MARK1: variants seen among roughly 807,000 people sequenced by gnomAD.
The protein encoded by MARK1 is serine/threonine-protein kinase MARK1.
A neutral mutation model predicts 96.3 loss-of-function variants in MARK1; 40 were observed. The observed-to-expected ratio is 0.42, with a 90% CI of 0.32 to 0.54. The LOEUF (loss-of-function observed/expected upper bound fraction) is 0.54, where lower values mean the gene tolerates loss of function less well. Among genes scored for constraint, MARK1 ranks in the 20% least tolerant of loss-of-function variants. MARK1 has a pLI of 0.16. For missense variants in MARK1, 719 were observed against 984.6 expected (o/e 0.73, Z 3.61); for synonymous variants, 317 against 341.2 (o/e 0.93, Z 0.78).
At chr1:220,586,707 G>T (rs1664651744) in intron 3 of MARK1, among the ~76,000 whole-genome samples, 1 of 152,164 alleles carries the variant, frequency 6.6e-6, no homozygotes, top group Non-Finnish European at 1.5e-5. Flanking sequence ...CAATGTGGAA[G>T]AATTTTCTCT....
At chr1:220,589,931 T>C (rs1664873231) in intron 3 of MARK1, among the ~76,000 whole-genome samples, 1 of 152,234 alleles carries the variant, frequency 6.6e-6, no homozygotes, top group Admixed American at 6.5e-5. Flanking sequence ...AGAATAACTC[T>C]GTTTCAAAGT....
intron 13 of MARK1, 24 bp downstream of exon 13, chr1:220,636,050 G>T (rs1454382714): frequency 6.9e-7 from 1 of 1,451,620 alleles, no homozygotes; most frequent in South Asian, 1.4e-5. Context: ...CTGGTATATT[G>T]CAATTTATTG....
chr1:220,615,918 T>C, intron 6 of MARK1, 21 bp from the exon 7 acceptor site: 4 of 1,392,084 alleles, frequency 2.9e-6, no homozygotes, highest in Middle Eastern at 1.8e-4. Context: ...TTTGACTCTT[T>C]TATCCAAATG....
At chr1:220,649,790 T>C (rs2103049443) in intron 13 of MARK1, among the ~76,000 whole-genome samples, 1 of 152,324 alleles carries the variant, frequency 6.6e-6, no homozygotes, top group South Asian at 2.1e-4. Flanking sequence ...TTATATATTT[T>C]AAATGCTGGG....
At chr1:220,544,398 C>T (rs960828325) in intron 1 of MARK1, among the ~76,000 whole-genome samples, 6 of 152,240 alleles carry the variant, frequency 3.9e-5, no homozygotes, top group South Asian at 2.1e-4. Flanking sequence ...TTAGTTATCT[C>T]GATAGTGGGT....
At chr1:220,626,474 A>G (rs566269914) in intron 9 of MARK1, 2 of 537,342 alleles carry the variant, frequency 3.7e-6, no homozygotes, top group South Asian at 2.8e-5. Context: ...GTGCTCTTAC[A>G]GTGTGGCTCA....
chr1:220,554,572 G>C (rs1272745027), intron 1 of MARK1, among the ~76,000 whole-genome samples: 1 of 152,166 alleles, frequency 6.6e-6, no homozygotes, highest in African/African-American at 2.4e-5. Flanking sequence ...GTAGAGGTTT[G>C]AAATAGCCCC....
At chr1:220,657,930 A>T in intron 17 of MARK1, 96 bp downstream of exon 17, 2 of 848,902 alleles carry the variant, frequency 2.4e-6, no homozygotes, top group Non-Finnish European at 3.3e-6. Flanking sequence ...GAATAGATCT[A>T]ATAACTAGAT....
chr1:220,545,537 A>G (rs1661432321), intron 1 of MARK1, among the ~76,000 whole-genome samples: 2 of 150,156 alleles, frequency 1.3e-5, no homozygotes, highest in South Asian at 4.2e-4. Flanking sequence ...TCCGGGTTCA[A>G]TCAATCCATC....
intron 12 of MARK1, 26 bp from the exon 13 acceptor site, chr1:220,635,807 T>C (rs779531899): frequency 6.6e-7 from 1 of 1,525,692 alleles, no homozygotes; most frequent in Non-Finnish European, 8.8e-7. Flanking sequence ...TTTCAGCTCA[T>C]TATGCTATTT....
intron 3 of MARK1, among the ~76,000 whole-genome samples, chr1:220,586,011 A>ACACACACGCACGCACGCG (rs112968910): frequency 3.8e-4 from 57 of 148,636 alleles, no homozygotes; most frequent in African/African-American, 1.0e-3. Context: ...ACACACACAC[A>ACACACACGCACGCACGCG]CGCGCGCGTG....
chr1:220,583,822 T>A (rs28605339), intron 3 of MARK1, among the ~76,000 whole-genome samples: 1,671 of 142,460 alleles, frequency 0.012, 35 homozygotes, highest in African/African-American at 0.042. Context: ...TAATTTTTTT[T>A]TTTTTTTTTT....
Position 220,636,709 on chromosome 1 carries a change from C to CA in MARK1, c.1470+691dup, listed in dbSNP as rs1443478396. ...CTCTTAAAATAGAATTTATAGATAC[C>CA]AAAAAAAAGATGAAGAATATTTTAA... is the stretch of plus-strand genomic sequence containing the variant. On this transcript the variant is annotated intron_variant, in intron 13 of 17. Coordinates refer to ENST00000366917, the MANE Select transcript of MARK1 (RefSeq NM_018650.5). Among the ~76,000 whole-genome samples the CA allele has an allele frequency of 4.6e-5, 7 of 150,656 alleles. No individual in the cohort carries two copies. The South Asian group carries it at 1.5e-3, about 32-fold the overall frequency.
chr1:220,634,106 C>A (rs1572209092), intron 11 of MARK1, among the ~76,000 whole-genome samples: 2 of 152,108 alleles, frequency 1.3e-5, no homozygotes, highest in Non-Finnish European at 2.9e-5. Flanking sequence ...GATGTGGTAT[C>A]AAAGAAGCCA....
intron 1 of MARK1, among the ~76,000 whole-genome samples, chr1:220,551,728 T>C (rs2102744310): frequency 6.6e-6 from 1 of 152,296 alleles, no homozygotes; most frequent in Non-Finnish European, 1.5e-5. Flanking sequence ...TTAATATATA[T>C]GCAAGTGTAT....
At chr1:220,612,866 C>T (rs2102951968) in intron 6 of MARK1, among the ~76,000 whole-genome samples, 1 of 152,202 alleles carries the variant, frequency 6.6e-6, no homozygotes, top group Middle Eastern at 3.4e-3. Flanking sequence ...TTTAAGACCA[C>T]TGAGCAGCCA....
intron 1 of MARK1, among the ~76,000 whole-genome samples, chr1:220,575,165 C>G (rs1328810403): frequency 1.3e-5 from 2 of 152,174 alleles, no homozygotes; most frequent in Non-Finnish European, 2.9e-5. Flanking sequence ...AAATCATTAT[C>G]TCTGCTTACT....
At chr1:220,619,318 C>T (rs1666931435) in intron 9 of MARK1, among the ~76,000 whole-genome samples, 1 of 151,872 alleles carries the variant, frequency 6.6e-6, no homozygotes, top group Non-Finnish European at 1.5e-5. Flanking sequence ...ACTAAAAATA[C>T]AAAAAATTAG....
chr1:220,637,794 C>T (rs1284942914), intron 13 of MARK1, among the ~76,000 whole-genome samples: 1 of 147,794 alleles, frequency 6.8e-6, no homozygotes, highest in Non-Finnish European at 1.5e-5. Flanking sequence ...TTTAAACCAG[C>T]AGAAGGAAAA....
Sources: allele counts gnomAD v4.1 joint callset (sites outside exome capture counted in the v4.1 genomes callset), GRCh38; gene constraint gnomAD v4.1.1; transcripts MANE v1.5; gene names NCBI Gene and HGNC (gene_info 2026-07-23, HGNC 2026-07-21).